Variants in SOX6 observed in about 807,000 individuals in gnomAD.
SOX6 encodes the protein transcription factor SOX-6.
In SOX6, 11 loss-of-function variants were observed where a neutral mutation model predicts 97.8. That is an observed-to-expected ratio of 0.11 (90% CI 0.07 to 0.19). The LOEUF (loss-of-function observed/expected upper bound fraction) is 0.19, where lower values mean the gene tolerates loss of function less well. Ranked by LOEUF, SOX6 falls within the 10% of genes least tolerant of loss-of-function variation. The pLI is 1.00. For missense variants in SOX6, 810 were observed against 1,039.5 expected, an observed-to-expected ratio of 0.78 and a Z score of 3.04; for synonymous variants, 360 against 371.4, an observed-to-expected ratio of 0.97 and a Z score of 0.35.
intron 1 of SOX6, among the ~76,000 whole-genome samples, chr11:16,736,956 G>C (rs2134063358): frequency 6.6e-6 from 1 of 152,068 alleles, no homozygotes; most frequent in East Asian, 1.9e-4. Flanking sequence ...TTCTATTATA[G>C]TACTTACTAT....
Position 16,132,444 on chromosome 11 carries a change from A to AAAAGAAAGAAAG in SOX6, c.778-20533_778-20522dup, listed in dbSNP as rs59652288. 6.1e-3 allele frequency among the ~76,000 whole-genome samples: 166 copies of AAAAGAAAGAAAG among 27,216 alleles called. 13 individuals are homozygous for AAAAGAAAGAAAG. Among genetic ancestry groups the AAAAGAAAGAAAG allele is most frequent in the East Asian group, 0.013 (9 of 670 alleles). The allele number at this position is 27,216 out of a possible 152,430, so 17.9% of individuals were successfully genotyped here. A position where few individuals can be genotyped will look rare whatever the true frequency, so the allele number is the denominator to read the frequency against. ...AAGAAAGAAAGAAAGAAAGAAAGAA[A>AAAAGAAAGAAAG]AAAGAAAGAAAGAAAGAAAGAAAGA... On this transcript the variant is annotated intron_variant, in intron 6 of 15. Coordinates refer to ENST00000683767, the MANE Select transcript of SOX6 (RefSeq NM_001367873.1).
intron 15 of SOX6, among the ~76,000 whole-genome samples, chr11:15,982,432 C>T (rs1853685491): frequency 6.6e-6 from 1 of 151,918 alleles, no homozygotes; most frequent in South Asian, 2.1e-4. Context: ...AAAAAAGTAG[C>T]CCCAAATTTA....
intron 4 of SOX6, among the ~76,000 whole-genome samples, chr11:16,541,278 G>A (rs10832638): frequency 0.17 from 26,081 of 152,118 alleles, 2,771 homozygotes; most frequent in East Asian, 0.32. Context: ...TATGTAGAAA[G>A]CTGAAACTGC....
chr11:16,521,862 T>G (rs1400246193), intron 4 of SOX6, among the ~76,000 whole-genome samples: 3 of 151,996 alleles, frequency 2.0e-5, no homozygotes, highest in Non-Finnish European at 4.4e-5. Flanking sequence ...TGTGATCAAC[T>G]GGAAGAAAGG....
At chr11:16,078,983 G>A (rs1354152874) in intron 9 of SOX6, among the ~76,000 whole-genome samples, 2 of 152,176 alleles carry the variant, frequency 1.3e-5, no homozygotes, top group Non-Finnish European at 2.9e-5. Context: ...GCCAGATCAT[G>A]TAGGTCTTAT....
At chr11:16,207,962 C>T (rs1030143977) in intron 4 of SOX6, among the ~76,000 whole-genome samples, 1 of 151,934 alleles carries the variant, frequency 6.6e-6, no homozygotes, top group Non-Finnish European at 1.5e-5. Flanking sequence ...TTAATAAATA[C>T]TAATTTACAA....
chr11:16,522,390 A>C (rs1403639666), intron 4 of SOX6, among the ~76,000 whole-genome samples: 1 of 152,182 alleles, frequency 6.6e-6, no homozygotes, highest in Non-Finnish European at 1.5e-5. Context: ...AAGCTTCATA[A>C]GTGAAGGAGA....
chr11:16,622,063 T>C (rs1175007989), intron 3 of SOX6, among the ~76,000 whole-genome samples: 1 of 152,166 alleles, frequency 6.6e-6, no homozygotes, highest in Non-Finnish European at 1.5e-5. Flanking sequence ...TTACTTTTCT[T>C]AAAGTAATGC....
intron 3 of SOX6, among the ~76,000 whole-genome samples, chr11:16,249,863 C>A (rs994253707): frequency 6.6e-6 from 1 of 152,078 alleles, no homozygotes; most frequent in African/African-American, 2.4e-5. Flanking sequence ...GTTTATATTA[C>A]GAGGTTAATT....
chr11:16,282,390 C>T (rs1227844225), intron 3 of SOX6, among the ~76,000 whole-genome samples: 1 of 151,410 alleles, frequency 6.6e-6, no homozygotes, highest in African/African-American at 2.4e-5. Flanking sequence ...GTTTTCTGGA[C>T]TCAAAATAAA....
At chr11:16,642,124 T>G (rs945840879) in intron 3 of SOX6, among the ~76,000 whole-genome samples, 11 of 152,304 alleles carry the variant, frequency 7.2e-5, no homozygotes, top group South Asian at 4.1e-4. Flanking sequence ...TCTCTCAGCA[T>G]TTGCTTGTCT....
At chr11:16,696,917 T>C (rs1455128854) in intron 3 of SOX6, among the ~76,000 whole-genome samples, 3 of 151,588 alleles carry the variant, frequency 2.0e-5, no homozygotes, top group Non-Finnish European at 4.4e-5. Context: ...CTTTCAAAGT[T>C]GGAGTCAATG....
chr11:16,412,619 A>G (rs1858844702), intron 1 of SOX6, among the ~76,000 whole-genome samples: 1 of 152,208 alleles, frequency 6.6e-6, no homozygotes, highest in Non-Finnish European at 1.5e-5. Context: ...TAACAAATAA[A>G]AAAGTAAACC....
intron 3 of SOX6, among the ~76,000 whole-genome samples, chr11:16,261,637 G>GAA (rs5789947): frequency 4.3e-4 from 63 of 148,126 alleles, no homozygotes; most frequent in Admixed American, 3.4e-3. Flanking sequence ...TCTTTTATTT[G>GAA]AAAAAAAAAA....
intron 7 of SOX6, among the ~76,000 whole-genome samples, chr11:16,099,021 C>A (rs990758073): frequency 2.6e-5 from 4 of 151,772 alleles, no homozygotes; most frequent in Admixed American, 6.6e-5. Flanking sequence ...TCTACACAGT[C>A]TCTTTGCATC....
chr11:16,039,617 A>T (rs1260334801), intron 12 of SOX6, among the ~76,000 whole-genome samples: 1 of 152,116 alleles, frequency 6.6e-6, no homozygotes, highest in Non-Finnish European at 1.5e-5. Flanking sequence ...GCAAAAGCAG[A>T]TACCAGAATC....
chr11:16,665,105 G>T (rs1214313915), intron 3 of SOX6, among the ~76,000 whole-genome samples: 1 of 151,864 alleles, frequency 6.6e-6, no homozygotes, highest in Non-Finnish European at 1.5e-5. Flanking sequence ...CTGGCTTCAA[G>T]TGTGACACAG....
intron 4 of SOX6, among the ~76,000 whole-genome samples, chr11:16,587,691 T>C (rs1848109741): frequency 6.6e-6 from 1 of 152,230 alleles, no homozygotes. Flanking sequence ...AAGTTGTTAA[T>C]GAAAATAGGG....
In SOX6 at chr11:16,599,827, G is replaced by GT. The variant is rs556289790; in HGVS notation, n.609+12253dup. 1.2e-3 allele frequency among the ~76,000 whole-genome samples: 187 copies of GT among 152,134 alleles called. 1 individual carries two copies. Among genetic ancestry groups the GT allele is most frequent in the South Asian group, 4.8e-3 (23 of 4,818 alleles). On this transcript the variant is annotated intron_variant and non_coding_transcript_variant, in intron 4 of 5. Coordinates refer to the SOX6 transcript ENST00000524520. ...ACTCACATCTTTCCTAAAAATGAAA[G>GT]TTTTTTTGAGTGAATAATAAAATAT...
Sources: allele counts gnomAD v4.1 joint callset (sites outside exome capture counted in the v4.1 genomes callset), GRCh38; gene constraint gnomAD v4.1.1; transcripts MANE v1.5; gene names NCBI Gene and HGNC (gene_info 2026-07-23, HGNC 2026-07-21).